The following FBN2 variants were observed in gnomAD, a reference collection of about 807,000 sequenced individuals.
FBN2 encodes the protein fibrillin 2.
Under a neutral mutation model 355.6 loss-of-function variants are expected in FBN2, and 105 were observed. The ratio of observed to expected loss-of-function variants is 0.30; its 90% CI spans 0.25 to 0.35. FBN2 has a LOEUF of 0.35. FBN2 is among the 10% of genes least tolerant of loss of function. The pLI, the probability that FBN2 is intolerant of heterozygous loss-of-function variation, is 1.00. For missense variants in FBN2, 3,280 were observed against 3,758.7 expected (o/e 0.87, Z 3.33); for synonymous variants, 1,350 against 1,301.2 (o/e 1.04, Z -0.81).
chr5:128,276,045 T>C lies in FBN2; in HGVS notation c.7587A>G (p.Thr2529=), dbSNP rs145809024. 163 of 1,613,822 alleles carry C rather than the reference T, an allele frequency of 1.0e-4. 1 individual carries two copies. Among genetic ancestry groups the C allele is most frequent in the Non-Finnish European group, 1.3e-4 (158 of 1,179,734 alleles). ...RGYVLQEDGK[T]CKDLDECQTK... ...CAGAGACTCTTCACTCACCTTTGCATGTCTTTCCATCCTCTTGCAGGACAT... is the reference window on the plus strand; with the variant it reads ...CAGAGACTCTTCACTCACCTTTGCACGTCTTTCCATCCTCTTGCAGGACAT... The change falls in exon 59 of 65, where the codon ACA becomes ACG. Residue 2529 remains threonine, a synonymous_variant. Coordinates refer to ENST00000262464, the MANE Select transcript of FBN2 (RefSeq NM_001999.4).
chr5:128,446,790 T>C (rs1754077630), intron 6 of FBN2, among the ~76,000 whole-genome samples, 184 bp from the exon 7 acceptor site: 1 of 152,202 alleles, frequency 6.6e-6, no homozygotes, highest in Non-Finnish European at 1.5e-5. Flanking sequence ...TGGTATCATG[T>C]TATATATCTT....
intron 5 of FBN2, among the ~76,000 whole-genome samples, chr5:128,493,737 A>T (rs1755573391): frequency 6.6e-6 from 1 of 152,204 alleles, no homozygotes; most frequent in Non-Finnish European, 1.5e-5. Flanking sequence ...TGGTCTAAGA[A>T]AGAAAAAAAG....
At chr5:128,353,206 A>G (rs1751415089) in intron 20 of FBN2, among the ~76,000 whole-genome samples, 1 of 152,154 alleles carries the variant, frequency 6.6e-6, no homozygotes, top group South Asian at 2.1e-4. Flanking sequence ...AAATTCAACA[A>G]CAAAAATACC....
At chr5:128,348,213 A>G (rs1299172950) in intron 23 of FBN2, among the ~76,000 whole-genome samples, 2 of 152,156 alleles carry the variant, frequency 1.3e-5, no homozygotes, top group Admixed American at 6.5e-5. Flanking sequence ...ATTTGGCCAT[A>G]CTGATATTAT....
At chr5:128,299,434 C>CGCTGCTG (rs61307257) in intron 48 of FBN2, among the ~76,000 whole-genome samples, 1 of 122,940 alleles carries the variant, frequency 8.1e-6, no homozygotes. Context: ...CCCCCAGCCT[C>CGCTGCTG]ACAGTTTGAT....
chr5:128,462,682 A>G (rs180753831), intron 6 of FBN2, among the ~76,000 whole-genome samples: 16 of 152,302 alleles, frequency 1.1e-4, no homozygotes, highest in African/African-American at 3.8e-4. Context: ...CACATTTTTT[A>G]TAATTGTGTT....
chr5:128,406,335 C>T (rs1752927333), intron 8 of FBN2, among the ~76,000 whole-genome samples: 1 of 152,162 alleles, frequency 6.6e-6, no homozygotes, highest in Non-Finnish European at 1.5e-5. Flanking sequence ...GTGTGAGGTG[C>T]AATAACAAAA....
At chr5:128,328,605 C>A (rs1426021732) in intron 34 of FBN2, 91 bp downstream of exon 34, 2 of 1,387,494 alleles carry the variant, frequency 1.4e-6, no homozygotes, top group South Asian at 2.4e-5. Flanking sequence ...ATGTATTCTG[C>A]TTCCAGGTGG....
chr5:128,275,637 G>A (rs1765375455), intron 59 of FBN2, among the ~76,000 whole-genome samples: 1 of 151,742 alleles, frequency 6.6e-6, no homozygotes, highest in Non-Finnish European at 1.5e-5. Flanking sequence ...TACTACCTAA[G>A]CAAAAAATTT....
Position 128,408,733 on chromosome 5 carries a change from C to T in FBN2, c.1019G>A (p.Ser340Asn), listed in dbSNP as rs758399173. ...TCCACGTGGACAAACACAAAAATAG[C>T]TTCCCACGGTGTTGGAACATTCACC... ...ETGECSNTVGSYFCVCPRGYV... is the reference protein window; with the variant it reads ...ETGECSNTVGNYFCVCPRGYV... Residue 340 changes from serine (S) to asparagine (N), a missense_variant, in exon 8 of 65, where the codon AGC becomes AAC. Physicochemically the swap from Ser to Asn is conservative, Grantham distance 46. This residue lies in a region of FBN2 where 343 missense variants were observed against 331.0 expected (regional missense o/e 1.04). Coordinates refer to ENST00000262464, the MANE Select transcript of FBN2 (RefSeq NM_001999.4). The T allele has an allele frequency of 5.0e-6, 8 of 1,613,866 alleles. No homozygotes were observed. The African/African-American group carries it at 8.0e-5, about 16-fold the overall frequency.
chr5:128,325,805 A>G (rs1316276987), intron 34 of FBN2, among the ~76,000 whole-genome samples: 2 of 151,970 alleles, frequency 1.3e-5, no homozygotes, highest in Non-Finnish European at 2.9e-5. Flanking sequence ...TATGCTAGCA[A>G]TTACATTTTC....
intron 5 of FBN2, among the ~76,000 whole-genome samples, chr5:128,505,865 T>C (rs1755944090): frequency 1.3e-5 from 2 of 152,198 alleles, no homozygotes; most frequent in Non-Finnish European, 2.9e-5. Context: ...AACTTGTTTC[T>C]TGATTTATCT....
In FBN2 at chr5:128,366,471, A is replaced by G. The variant is rs768206844; in HGVS notation, c.2249-41T>C. On this transcript the variant is annotated intron_variant, in intron 16 of 64. Transcript: ENST00000262464. ...AAATAGAAGAATTAAAAACTTAACT[A>G]TACCTATTCCATATACAAGTCATTT... 27 of 1,258,054 alleles carry G rather than the reference A, an allele frequency of 2.1e-5. No individual in the cohort carries two copies. The South Asian group carries it at 3.4e-4, about 16-fold the overall frequency. 77.9% of individuals were successfully genotyped at this position (1,258,054 alleles called of 1,614,324 possible). A position where few individuals can be genotyped will look rare whatever the true frequency, so the allele number is the denominator to read the frequency against.
intron 5 of FBN2, among the ~76,000 whole-genome samples, chr5:128,485,070 C>T (rs1755300114): frequency 6.6e-6 from 1 of 151,692 alleles, no homozygotes; most frequent in African/African-American, 2.4e-5. Context: ...GTTGCCTAGG[C>T]CTGAGTGCAA....
intron 5 of FBN2, among the ~76,000 whole-genome samples, chr5:128,508,219 C>G (rs1373347197): frequency 6.6e-6 from 1 of 151,952 alleles, no homozygotes; most frequent in East Asian, 1.9e-4. Flanking sequence ...TCCTACATAA[C>G]AATCTTTATC....
chr5:128,396,090 T>C (rs1356303861), intron 8 of FBN2, among the ~76,000 whole-genome samples: 3 of 152,028 alleles, frequency 2.0e-5, no homozygotes, highest in Non-Finnish European at 4.4e-5. Flanking sequence ...GCAGTGGAGA[T>C]GATGAGGCTG....
chr5:128,381,806 A>G (rs182229828), intron 11 of FBN2, among the ~76,000 whole-genome samples: 2 of 152,212 alleles, frequency 1.3e-5, no homozygotes, highest in Non-Finnish European at 2.9e-5. Flanking sequence ...GTACAACCCT[A>G]GGGCATACCA....
At chr5:128,503,378 A>G (rs913536637) in intron 5 of FBN2, among the ~76,000 whole-genome samples, 1 of 152,206 alleles carries the variant, frequency 6.6e-6, no homozygotes, top group African/African-American at 2.4e-5. Context: ...AAGACACCTG[A>G]AAATGTGGAA....
At chr5:128,307,546 TA>T (rs970381598) in intron 41 of FBN2, among the ~76,000 whole-genome samples, 4 of 150,094 alleles carry the variant, frequency 2.7e-5, no homozygotes, top group East Asian at 3.9e-4. Context: ...ACATAAAGAT[TA>T]AAAAAAAAGA....
Sources: gnomAD v4.1 joint callset for allele counts (sites outside exome capture counted in the v4.1 genomes callset) on GRCh38, gnomAD v4.1.1 for gene constraint, gnomAD v4.1.1 regional missense constraint, MANE v1.5 for transcripts, NCBI Gene and HGNC (gene_info 2026-07-23, HGNC 2026-07-21) for gene names.